Variants in SGCZ observed in about 807,000 individuals in gnomAD.
SGCZ encodes the protein zeta-sarcoglycan.
In SGCZ, 40 loss-of-function variants were observed where a neutral mutation model predicts 41.3. The observed-to-expected ratio is 0.97, with a 90% confidence interval of 0.75 to 1.26. The LOEUF is 1.26. SGCZ is among the 50% of genes most tolerant of loss of function. SGCZ has a pLI of 0.00. For missense variants in SGCZ, 552 were observed against 369.8 expected (o/e 1.49, Z -4.04); for synonymous variants, 206 against 137.5 (o/e 1.50, Z -3.49).
chr8:14,873,845 T>G (rs989588687), intron 1 of SGCZ, among the ~76,000 whole-genome samples: 13 of 152,192 alleles, frequency 8.5e-5, no homozygotes, highest in Admixed American at 1.3e-4. Flanking sequence ...GGAAATTAAA[T>G]TTTAGAAGAT....
intron 1 of SGCZ, among the ~76,000 whole-genome samples, chr8:15,007,823 G>A (rs575161998): frequency 6.6e-6 from 1 of 152,170 alleles, no homozygotes; most frequent in African/African-American, 2.4e-5. Flanking sequence ...TTATTACCTT[G>A]AGGAGATAAA....
chr8:14,140,381 T>A (rs1803332467), intron 5 of SGCZ, among the ~76,000 whole-genome samples: 2 of 152,114 alleles, frequency 1.3e-5, no homozygotes, highest in Non-Finnish European at 2.9e-5. Flanking sequence ...AGTCAAACTG[T>A]CCCTGTTTGC....
intron 1 of SGCZ, among the ~76,000 whole-genome samples, chr8:14,779,629 C>A (rs1365665389): frequency 6.6e-6 from 1 of 152,064 alleles, no homozygotes; most frequent in African/African-American, 2.4e-5. Flanking sequence ...ATATAAAATT[C>A]AAAATCAACT....
At chr8:14,803,799 G>A (rs1273691434) in intron 1 of SGCZ, among the ~76,000 whole-genome samples, 1 of 145,886 alleles carries the variant, frequency 6.9e-6, no homozygotes, top group Non-Finnish European at 1.5e-5. Context: ...CAAAAAGACA[G>A]CAGTAACCTC....
At chr8:14,734,392 A>G (rs1263168861) in intron 1 of SGCZ, among the ~76,000 whole-genome samples, 2 of 152,204 alleles carry the variant, frequency 1.3e-5, no homozygotes, top group Non-Finnish European at 2.9e-5. Context: ...CTAAATTTAA[A>G]AGAAGTTCAA....
chr8:14,392,082 T>C (rs182920494), intron 2 of SGCZ, among the ~76,000 whole-genome samples: 8 of 152,252 alleles, frequency 5.3e-5, no homozygotes, highest in African/African-American at 1.9e-4. Flanking sequence ...GGAGAAAGCT[T>C]AAATGATCCC....
intron 1 of SGCZ, among the ~76,000 whole-genome samples, chr8:14,561,246 A>T (rs1186660410): frequency 6.6e-6 from 1 of 152,154 alleles, no homozygotes; most frequent in Non-Finnish European, 1.5e-5. Context: ...TCTGAAATAC[A>T]TTGTTTTCTT....
chr8:14,664,311 T>C (rs552164672), intron 1 of SGCZ, among the ~76,000 whole-genome samples: 1 of 152,298 alleles, frequency 6.6e-6, no homozygotes, highest in Non-Finnish European at 1.5e-5. Flanking sequence ...AAACACAGTT[T>C]GCTGAAGCAG....
intron 1 of SGCZ, among the ~76,000 whole-genome samples, chr8:14,934,765 C>T (rs891504868): frequency 6.6e-6 from 1 of 151,304 alleles, no homozygotes. Flanking sequence ...TACCTAGACA[C>T]ATCAAAGTGA....
intron 1 of SGCZ, among the ~76,000 whole-genome samples, chr8:14,950,641 T>C (rs1219528781): frequency 6.6e-6 from 1 of 151,886 alleles, no homozygotes; most frequent in Admixed American, 6.6e-5. Context: ...GCAAAAAAAA[T>C]CATAGTTCAG....
At chr8:14,549,237 A>C (rs2614935) in intron 2 of SGCZ, among the ~76,000 whole-genome samples, 135,743 of 152,024 alleles carry the variant, frequency 0.89, 60,804 homozygotes, top group Middle Eastern at 0.94. Context: ...GTAAATGGAG[A>C]TTCAAAGGAC....
chr8:14,214,885 G>C (rs1015500420), intron 4 of SGCZ, among the ~76,000 whole-genome samples: 1 of 152,070 alleles, frequency 6.6e-6, no homozygotes, highest in African/African-American at 2.4e-5. Context: ...TGATAGAGTT[G>C]AGGAGAAAAA....
At chr8:14,294,650 AT>A (rs1464797693) in intron 3 of SGCZ, among the ~76,000 whole-genome samples, 7 of 152,084 alleles carry the variant, frequency 4.6e-5, no homozygotes, top group Non-Finnish European at 1.0e-4. Flanking sequence ...CTTTAAAAAA[AT>A]ATTTGAAAAA....
At chr8:15,218,788 A>G (rs937779923) in intron 1 of SGCZ, among the ~76,000 whole-genome samples, 1 of 152,228 alleles carries the variant, frequency 6.6e-6, no homozygotes, top group Non-Finnish European at 1.5e-5. Context: ...CTGTACCCAC[A>G]TAACTATCCT....
intron 1 of SGCZ, among the ~76,000 whole-genome samples, chr8:14,767,573 G>A (rs1463115145): frequency 6.6e-6 from 1 of 152,196 alleles, no homozygotes; most frequent in Non-Finnish European, 1.5e-5. Flanking sequence ...GTGAGATGAA[G>A]ATAAATCTTC....
chr8:14,371,206 A>G lies in SGCZ; in HGVS notation c.235-47002T>C, dbSNP rs563947014. Reference sequence around the variant, plus strand: ...TAAACTCTGCCTTCAAAGAATCCAGATGTCCAAAAAAGCTTATAATTTGCC... The same window carrying G: ...TAAACTCTGCCTTCAAAGAATCCAGGTGTCCAAAAAAGCTTATAATTTGCC... On this transcript the variant is annotated intron_variant, in intron 2 of 7. Coordinates refer to ENST00000382080, the MANE Select transcript of SGCZ (RefSeq NM_139167.4). Among the ~76,000 whole-genome samples the G allele has an allele frequency of 1.6e-3, 246 of 152,134 alleles. 2 individuals carry two copies. Among genetic ancestry groups the G allele is most frequent in the African/African-American group, 5.2e-3 (218 of 41,546 alleles).
intron 1 of SGCZ, among the ~76,000 whole-genome samples, chr8:14,700,996 T>C (rs929044871): frequency 1.3e-5 from 2 of 152,118 alleles, no homozygotes; most frequent in African/African-American, 4.8e-5. Flanking sequence ...CTTACTTTAC[T>C]AAATTAAAAT....
intron 2 of SGCZ, among the ~76,000 whole-genome samples, chr8:14,480,278 G>T (rs368658871): frequency 4.6e-5 from 7 of 152,068 alleles, no homozygotes; most frequent in Admixed American, 3.3e-4. Context: ...TAGCAACAGC[G>T]TCTACATTCT....
At chr8:14,823,055 T>TTAAAAAAAAAA (rs1491314386) in intron 1 of SGCZ, among the ~76,000 whole-genome samples, 6 of 75,480 alleles carry the variant, frequency 7.9e-5, no homozygotes, top group African/African-American at 2.7e-4. Flanking sequence ...CCAATCCTCA[T>TTAAAAAAAAAA]AAAAAAAAAA....
Sources: allele counts gnomAD v4.1 joint callset (sites outside exome capture counted in the v4.1 genomes callset), GRCh38; gene constraint gnomAD v4.1.1; transcripts MANE v1.5; gene names NCBI Gene and HGNC (gene_info 2026-07-23, HGNC 2026-07-21).